Variants in KNTC1 observed in about 807,000 individuals in gnomAD.
KNTC1 encodes kinetochore associated 1, also known as kinetochore-associated protein 1.
Under a neutral mutation model 314.4 loss-of-function variants are expected in KNTC1, and 253 were observed. The observed-to-expected ratio is 0.80, with a 90% CI of 0.73 to 0.89. The LOEUF (loss-of-function observed/expected upper bound fraction) is 0.89. KNTC1 is among the 40% of genes least tolerant of loss of function. The pLI, the probability that KNTC1 is intolerant of heterozygous loss-of-function variation, is 0.00. For synonymous variants in KNTC1, 901 were observed against 901.4 expected (o/e 1.00, Z 0.01); for missense variants, 2,475 against 2,572.9 (o/e 0.96, Z 0.82).
intron 7 of KNTC1, 90 bp downstream of exon 7, chr12:122,543,724 T>C: frequency 1.4e-6 from 1 of 735,564 alleles, no homozygotes; most frequent in South Asian, 2.1e-5. Flanking sequence ...GGTCTACTTC[T>C]TGATATTTTA....
At position 122,549,827 on chromosome 12, in the gene KNTC1, C is replaced by G. The variant is rs147259173; in HGVS notation, c.1049C>G (p.Ser350Cys). Residue 350 changes from serine (S) to cysteine (C), a missense_variant, in exon 13 of 64, where the codon TCT becomes TGT. Coordinates refer to ENST00000333479, the MANE Select transcript of KNTC1 (RefSeq NM_014708.6). ...GAAATACTATATTCTTTGGAAGTAT[C>G]TAGTGTTTCTTCTCTGGTCCAAACA... is the stretch of plus-strand genomic sequence containing the variant. ...TMEILYSLEV[S>C]SVSSLVQTGI... The G allele has an allele frequency of 1.3e-6, 2 of 1,573,084 alleles. No individual in the cohort carries two copies. The highest frequency in any genetic ancestry group is 2.3e-5 in the South Asian group (2 of 87,690).
At chr12:122,531,431 C>G (rs1461640142) in intron 2 of KNTC1, among the ~76,000 whole-genome samples, 1 of 152,022 alleles carries the variant, frequency 6.6e-6, no homozygotes, top group South Asian at 2.1e-4. Context: ...CTCCTGGCCT[C>G]AAGTGATCCG....
chr12:122,624,457 A>T (rs118030114), intron 62 of KNTC1, 141 bp from the exon 63 acceptor site: 1 of 546,842 alleles, frequency 1.8e-6, no homozygotes, highest in South Asian at 2.0e-5. Flanking sequence ...TTGTAGAGAC[A>T]GGGCTTTGCC....
intron 35 of KNTC1, 37 bp downstream of exon 35, chr12:122,584,487 C>T (rs1202240846): frequency 1.3e-6 from 2 of 1,490,592 alleles, no homozygotes; most frequent in African/African-American, 2.8e-5. Flanking sequence ...TTTATATTCT[C>T]TGGTTCATGT....
intron 10 of KNTC1, 70 bp downstream of exon 10, chr12:122,546,744 A>G: frequency 9.6e-7 from 1 of 1,037,380 alleles, no homozygotes; most frequent in Non-Finnish European, 1.4e-6. Flanking sequence ...AGACTTACAA[A>G]GGCAAGGGTT....
chr12:122,556,917 CTTTTTTT>C (rs35101646), intron 16 of KNTC1, among the ~76,000 whole-genome samples: 20 of 88,296 alleles, frequency 2.3e-4, no homozygotes, highest in South Asian at 8.1e-4. Context: ...AATTTTCCCT[CTTTTTTT>C]TTTTTTTTTT....
chr12:122,621,317 A>G (rs1431361268), intron 60 of KNTC1, among the ~76,000 whole-genome samples: 1 of 152,224 alleles, frequency 6.6e-6, no homozygotes, highest in African/African-American at 2.4e-5. Context: ...AGAGATCTAC[A>G]TAAATGAACA....
At chr12:122,604,668 T>C (rs753677432) in intron 49 of KNTC1, 31 bp downstream of exon 49, 1 of 1,446,934 alleles carries the variant, frequency 6.9e-7, no homozygotes, top group Non-Finnish European at 9.7e-7. Context: ...TGGCGGCTTC[T>C]CTTCTTCCTA....
intron 12 of KNTC1, among the ~76,000 whole-genome samples, chr12:122,549,194 A>G (rs1008335795): frequency 4.0e-5 from 6 of 150,526 alleles, no homozygotes; most frequent in African/African-American, 1.5e-4. Flanking sequence ...CTGGGATTAC[A>G]GATGTGCACC....
At chr12:122,624,795 A>G in intron 63 of KNTC1, 107 bp downstream of exon 63, 1 of 803,546 alleles carries the variant, frequency 1.2e-6, no homozygotes, top group Non-Finnish European at 2.2e-6. Context: ...ATGTATTTTT[A>G]TGTGTAACTG....
rs751908875 is a variant in KNTC1, at chr12:122,538,313, T to A, written c.251-26T>A. The A allele has an allele frequency of 6.9e-6, 9 of 1,296,686 alleles. No homozygotes were observed. The East Asian group carries it at 1.9e-4, about 28-fold the overall frequency. The allele number at this position is 1,296,686 out of a possible 1,614,324, so 80.3% of individuals were successfully genotyped here. On this transcript the variant is annotated intron_variant, in intron 3 of 63. Coordinates refer to ENST00000333479, the MANE Select transcript of KNTC1 (RefSeq NM_014708.6). ...GAAAATAAAGATTTTCGAAGGAAGC[T>A]TGTAACTTTGATTTGAAATTTTCAG...
chr12:122,544,347 G>A, intron 8 of KNTC1, 78 bp downstream of exon 8: 3 of 715,464 alleles, frequency 4.2e-6, no homozygotes, highest in African/African-American at 1.9e-5. Flanking sequence ...TGGTTAAATT[G>A]CAAAATAATT....
intron 52 of KNTC1, 144 bp downstream of exon 52, chr12:122,609,574 T>C: frequency 3.4e-6 from 2 of 582,148 alleles, no homozygotes; most frequent in Non-Finnish European, 6.0e-6. Flanking sequence ...AGTTCACTAA[T>C]ACGTGGCTAG....
chr12:122,620,415 AG>A, intron 59 of KNTC1, 63 bp from the exon 60 acceptor site: 2 of 1,489,724 alleles, frequency 1.3e-6, no homozygotes, highest in Non-Finnish European at 1.8e-6. Context: ...ATGGAAAGCT[AG>A]AAAGGCCAAT....
chr12:122,603,943 G>T (rs1224475729), intron 48 of KNTC1, among the ~76,000 whole-genome samples: 2 of 152,122 alleles, frequency 1.3e-5, no homozygotes, highest in African/African-American at 4.8e-5. Flanking sequence ...AGAAAATAGG[G>T]TGTATTCATA....
Position 122,568,310 on chromosome 12 carries a change from AT to A in KNTC1, c.1661del (p.Leu554TyrfsTer3). On this transcript the variant is annotated frameshift_variant, in exon 21 of 64. Coordinates refer to ENST00000333479, the MANE Select transcript of KNTC1 (RefSeq NM_014708.6). LOFTEE classifies it high-confidence loss of function. Reference sequence around the variant, plus strand: ...AAATAATGAAGATGATCTTAAAGATATTTTTTTACAGCTAAAAGAAGGAAAC... The same window carrying A: ...AAATAATGAAGATGATCTTAAAGATATTTTTTACAGCTAAAAGAAGGAAAC... ...FLNNEDDLKD[I>X]FLQLKEGNLV... 1.9e-6 allele frequency: 3 copies of A among 1,595,860 alleles called. No individual in the cohort carries two copies. The highest frequency in any genetic ancestry group is 2.6e-6 in the Non-Finnish European group (3 of 1,164,504).
chr12:122,618,543 C>T lies in KNTC1; in HGVS notation c.6147C>T (p.Leu2049=), dbSNP rs373603911. The T allele has an allele frequency of 1.6e-5, 25 of 1,606,818 alleles. No individual in the cohort carries two copies. The highest frequency in any genetic ancestry group is 2.7e-5 in the African/African-American group (2 of 73,556). ...SDCSESLIAV[L]ECPVSGDLDL... ...GTTCTGAGAGTCTCATCGCTGTCCTCGAGTAAGCAAAATATTTGTTCTACC... is the reference window on the plus strand; with the variant it reads ...GTTCTGAGAGTCTCATCGCTGTCCTTGAGTAAGCAAAATATTTGTTCTACC... Residue 2049 remains leucine, a splice_region_variant and synonymous_variant, in exon 59 of 64, where the codon CTC becomes CTT. Transcript: ENST00000333479.
Position 122,568,370 on chromosome 12 carries a change from C to G in KNTC1, c.1714C>G (p.Arg572Gly). Residue 572 changes from arginine to glycine, a missense_variant and splice_region_variant, in exon 21 of 64, where the codon CGG becomes GGG. Coordinates refer to ENST00000333479, the MANE Select transcript of KNTC1 (RefSeq NM_014708.6). ...VCAQYLWLRH[R>G]ANFESRFDVK... ...TGCACAGTATCTTTGGCTTCGACATCGGGTAACATGTTTTACATTTTTTCC... is the reference window on the plus strand; with the variant it reads ...TGCACAGTATCTTTGGCTTCGACATGGGGTAACATGTTTTACATTTTTTCC... 2 of 1,548,488 alleles carry G rather than the reference C, an allele frequency of 1.3e-6. No homozygotes were observed. Among genetic ancestry groups the G allele is most frequent in the Non-Finnish European group, 1.8e-6 (2 of 1,121,920 alleles).
intron 19 of KNTC1, among the ~76,000 whole-genome samples, chr12:122,562,240 T>G (rs1964020729): frequency 6.6e-6 from 1 of 152,204 alleles, no homozygotes; most frequent in South Asian, 2.1e-4. Flanking sequence ...ATTATGATGG[T>G]GCTAAAATAC....
Sources: gnomAD v4.1 joint callset for allele counts (sites outside exome capture counted in the v4.1 genomes callset) on GRCh38, gnomAD v4.1.1 for gene constraint, MANE v1.5 for transcripts, NCBI Gene and HGNC (gene_info 2026-07-23, HGNC 2026-07-21) for gene names.